The following ACSF2 variants were observed in gnomAD, a reference collection of about 807,000 sequenced individuals.
ACSF2 encodes acyl-CoA synthetase family member 2.
Under a neutral mutation model 79.3 loss-of-function variants are expected in ACSF2, and 52 were observed. The ratio of observed to expected loss-of-function variants is 0.66; its 90% CI spans 0.53 to 0.83. The LOEUF (loss-of-function observed/expected upper bound fraction) is 0.83, where lower values mean the gene tolerates loss of function less well. Ranked by LOEUF, ACSF2 falls within the 40% of genes least tolerant of loss-of-function variation. ACSF2 has a pLI of 0.00. For missense variants in ACSF2, 661 were observed against 803.3 expected (o/e 0.82, Z 2.14); for synonymous variants, 283 against 312.6 (o/e 0.91, Z 1.00).
At chr17:50,438,763 C>T (rs754824157) in intron 1 of ACSF2, among the ~76,000 whole-genome samples, 8 of 151,962 alleles carry the variant, frequency 5.3e-5, no homozygotes, top group Non-Finnish European at 1.2e-4. Flanking sequence ...CATGGGGTTT[C>T]ACCATATTGG....
chr17:50,474,400 C>A lies in ACSF2; in HGVS notation c.1798-102C>A. The A allele has an allele frequency of 6.6e-7, 1 of 1,510,432 alleles. No homozygotes were observed. The highest frequency in any genetic ancestry group is 9.2e-7 in the Non-Finnish European group (1 of 1,088,676). The allele number at this position is 1,510,432 out of a possible 1,614,324, so 93.6% of individuals were successfully genotyped here. ...GACCGGGTCACCTAATCCTGGTTTG[C>A]CTGGGGACTTTCCCTGTTTTGGCAC... On this transcript the variant is annotated intron_variant, in intron 15 of 15. Coordinates refer to ENST00000300441, the MANE Select transcript of ACSF2 (RefSeq NM_025149.6). The surrounding 1 kb of genome is among the most constrained non-coding windows in gnomAD (Gnocchi z 4.2).
At chr17:50,460,124 G>A in intron 1 of ACSF2, 1 of 453,338 alleles carries the variant, frequency 2.2e-6, no homozygotes, top group Non-Finnish European at 4.4e-6. Context: ...GGAATAACAG[G>A]GGCCGCCCAG....
At chr17:50,465,469 G>A (rs749613909) in intron 10 of ACSF2, 12 of 1,612,182 alleles carry the variant, frequency 7.4e-6, no homozygotes, top group Middle Eastern at 1.8e-4. Context: ...CTGGGGCTGG[G>A]GAAGAAGGTG....
At chr17:50,456,939 C>A (rs2032048622) in intron 1 of ACSF2, among the ~76,000 whole-genome samples, 1 of 151,978 alleles carries the variant, frequency 6.6e-6, no homozygotes, top group African/African-American at 2.4e-5. Context: ...GTGGCACACA[C>A]CTGTAGTCCC....
chr17:50,449,910 A>G (rs1182596031), intron 1 of ACSF2, among the ~76,000 whole-genome samples: 1 of 152,110 alleles, frequency 6.6e-6, no homozygotes, highest in Non-Finnish European at 1.5e-5. Flanking sequence ...TTAAACGATA[A>G]GTTCCCATTG....
At position 50,448,730 on chromosome 17, in the gene ACSF2, G is replaced by A. The variant is rs144475102; in HGVS notation, c.129-11947G>A. Reference sequence around the variant, plus strand: ...ACAAGGGTGGCATCAGTCCAGGGCTGGACAGGCAGTTGCTGGGCAAATGTC... The same window carrying A: ...ACAAGGGTGGCATCAGTCCAGGGCTAGACAGGCAGTTGCTGGGCAAATGTC... On this transcript the variant is annotated intron_variant, in intron 1 of 15. Transcript: ENST00000300441. 4.6e-5 allele frequency among the ~76,000 whole-genome samples: 7 copies of A among 152,310 alleles called. No individual in the cohort carries two copies. The East Asian group carries it at 1.2e-3, about 25-fold the overall frequency.
chr17:50,457,610 G>A (rs2032090511), intron 1 of ACSF2, among the ~76,000 whole-genome samples: 1 of 152,152 alleles, frequency 6.6e-6, no homozygotes, highest in African/African-American at 2.4e-5. Context: ...TCTGTCCCAT[G>A]TACCCCTAGG....
Position 50,463,636 on chromosome 17 carries a change from C to A in ACSF2, c.1046+84C>A. On this transcript the variant is annotated intron_variant, in intron 8 of 15. Transcript: ENST00000300441. The surrounding 1 kb of genome is among the most constrained non-coding windows in gnomAD (Gnocchi z 4.6). ...TGGGCCCTGACACCTTTCCAAGCTG[C>A]CTCCTCCCTCCAGCCAGGAGACTGA... 1 of 1,562,366 alleles carries A rather than the reference C, an allele frequency of 6.4e-7. No homozygotes were observed. The highest frequency in any genetic ancestry group is 1.2e-5 in the South Asian group (1 of 82,780).
intron 1 of ACSF2, among the ~76,000 whole-genome samples, chr17:50,430,468 C>G (rs1173618214): frequency 6.6e-6 from 1 of 152,098 alleles, no homozygotes; most frequent in African/African-American, 2.4e-5. Flanking sequence ...GAGTTCGAGA[C>G]CAGCCTGGCC....
At chr17:50,459,916 A>G (rs772677126) in intron 1 of ACSF2, among the ~76,000 whole-genome samples, 19 of 152,106 alleles carry the variant, frequency 1.2e-4, no homozygotes, top group Non-Finnish European at 1.8e-4. Context: ...CTTATCTGAC[A>G]TCTGGCCCCT....
chr17:50,464,906 G>A (rs2032597949), intron 10 of ACSF2: 1 of 343,240 alleles, frequency 2.9e-6, no homozygotes, highest in Non-Finnish European at 5.7e-6. Context: ...AGTGCCCGAG[G>A]CCCCCTGCCA....
chr17:50,465,887 G>A, intron 10 of ACSF2: 1 of 1,613,558 alleles, frequency 6.2e-7, no homozygotes. Flanking sequence ...AGCAAGGTGG[G>A]AGCAAGGTGG....
chr17:50,463,685 C>G lies in ACSF2; in HGVS notation c.1046+133C>G. ...GAGGATGGGGACAGTGGAGGACCCCCAGGAGAGGACCAGTTCCTGCCTCAG... is the reference window on the plus strand; with the variant it reads ...GAGGATGGGGACAGTGGAGGACCCCGAGGAGAGGACCAGTTCCTGCCTCAG... On this transcript the variant is annotated intron_variant, in intron 8 of 15. Coordinates refer to ENST00000300441, the MANE Select transcript of ACSF2 (RefSeq NM_025149.6). The surrounding 1 kb of genome is among the most constrained non-coding windows in gnomAD (Gnocchi z 4.6). 1.3e-6 allele frequency: 2 copies of G among 1,486,650 alleles called. No homozygotes were observed. Among genetic ancestry groups the G allele is most frequent in the South Asian group, 1.3e-5 (1 of 79,852 alleles). The allele number at this position is 1,486,650 out of a possible 1,614,324, so 92.1% of individuals were successfully genotyped here.
At chr17:50,469,625 T>C (rs1036226266) in intron 10 of ACSF2, among the ~76,000 whole-genome samples, 10 of 152,086 alleles carry the variant, frequency 6.6e-5, no homozygotes, top group African/African-American at 2.4e-4. Context: ...CAAACACACC[T>C]GGAAACCACA....
At chr17:50,445,055 C>T (rs2031208329) in intron 1 of ACSF2, among the ~76,000 whole-genome samples, 1 of 151,998 alleles carries the variant, frequency 6.6e-6, no homozygotes, top group Admixed American at 6.6e-5. Context: ...GTTGAGACCA[C>T]AGGTGCATGC....
Position 50,466,891 on chromosome 17 carries a change from C to G in ACSF2, c.1215+2597C>G, listed in dbSNP as rs754567128. 1.1e-4 allele frequency among the ~76,000 whole-genome samples: 17 copies of G among 152,336 alleles called. No homozygotes were observed. In the South Asian group the frequency reaches 3.5e-3, roughly 32 times the overall value. Reference sequence around the variant, plus strand: ...GGCACTGGTGGGCCACAGGGGACTCCAACTTCAGCTGGGGAGAGGCAGGGC... The same window carrying G: ...GGCACTGGTGGGCCACAGGGGACTCGAACTTCAGCTGGGGAGAGGCAGGGC... On this transcript the variant is annotated intron_variant, in intron 10 of 15. Coordinates refer to ENST00000300441, the MANE Select transcript of ACSF2 (RefSeq NM_025149.6).
chr17:50,436,894 G>A (rs1261867364), intron 1 of ACSF2, among the ~76,000 whole-genome samples: 3 of 152,062 alleles, frequency 2.0e-5, no homozygotes, highest in Non-Finnish European at 4.4e-5. Flanking sequence ...GTTGCACATT[G>A]TAACTAGTAT....
intron 1 of ACSF2, among the ~76,000 whole-genome samples, chr17:50,442,165 C>T (rs1397949525): frequency 2.0e-5 from 3 of 151,838 alleles, no homozygotes; most frequent in Admixed American, 6.6e-5. Context: ...ATTAGCCAGG[C>T]GTGGTGGTGC....
In ACSF2 at chr17:50,474,156, C is replaced by T. The variant is rs1279144632; in HGVS notation, c.1729-43C>T. 1.2e-6 allele frequency: 2 copies of T among 1,611,976 alleles called. No homozygotes were observed. The highest frequency in any genetic ancestry group is 8.5e-7 in the Non-Finnish European group (1 of 1,178,004). ...GGTCCCCTACCCATACCCCTGTGAG[C>T]TTGCGCAGCCTCACGCCTTACCTCC... On this transcript the variant is annotated intron_variant, in intron 14 of 15. Coordinates refer to ENST00000300441, the MANE Select transcript of ACSF2 (RefSeq NM_025149.6). The surrounding 1 kb of genome is among the most constrained non-coding windows in gnomAD (Gnocchi z 4.2).
Sources: gnomAD v4.1 joint callset for allele counts (sites outside exome capture counted in the v4.1 genomes callset) on GRCh38, gnomAD v4.1.1 for gene constraint, Gnocchi (gnomAD v3.1) non-coding constraint, MANE v1.5 for transcripts, NCBI Gene and HGNC (gene_info 2026-07-23, HGNC 2026-07-21) for gene names.